Variants in POLR2M observed in about 807,000 individuals in gnomAD.
POLR2M encodes the protein protein GRINL1A.
A neutral mutation model predicts 34.6 loss-of-function variants in POLR2M; 30 were observed. That is an observed-to-expected ratio of 0.87 (90% confidence interval 0.65 to 1.18). POLR2M has a LOEUF of 1.18. Among genes scored for constraint, POLR2M ranks in the 50% most tolerant of loss-of-function variants. The pLI, the probability that POLR2M is intolerant of heterozygous loss-of-function variation, is 0.00. For synonymous variants in POLR2M, 150 were observed against 166.7 expected, an observed-to-expected ratio of 0.90 and a Z score of 0.77; for missense variants, 432 against 448.7, an observed-to-expected ratio of 0.96 and a Z score of 0.34.
Position 57,708,010 on chromosome 15 carries a change from CAAAT to C in POLR2M, c.114-697_114-694del, listed in dbSNP as rs556927787. 2.2e-4 allele frequency among the ~76,000 whole-genome samples: 33 copies of C among 152,226 alleles called. No individual in the cohort carries two copies. In the East Asian group the frequency reaches 6.0e-3, roughly 28 times the overall value. On this transcript the variant is annotated intron_variant, in intron 1 of 3. Transcript: ENST00000299638. Reference sequence around the variant, plus strand: ...GAACTCTGTCATCCAGCAAAAGGGACAAATAAATAATTGGTTGGGATCAAGACAT... The same window carrying C: ...GAACTCTGTCATCCAGCAAAAGGGACAAATAATTGGTTGGGATCAAGACAT...
chr15:57,711,541 A>G (rs973576435), intron 2 of POLR2M, among the ~76,000 whole-genome samples: 4 of 152,152 alleles, frequency 2.6e-5, no homozygotes, highest in South Asian at 4.1e-4. Flanking sequence ...GTAAGCAGTT[A>G]TTATTCCAAG....
chr15:57,707,599 A>G (rs544322494), intron 1 of POLR2M: 39 of 450,470 alleles, frequency 8.7e-5, no homozygotes, highest in African/African-American at 6.0e-4. Flanking sequence ...GATTGGGAGA[A>G]CTTTTAAGCA....
In POLR2M at chr15:57,714,536, GA is replaced by G; in HGVS notation, c.965del (p.Glu322GlyfsTer11). The G allele has an allele frequency of 1.2e-6, 2 of 1,613,256 alleles. No homozygotes were observed. The highest frequency in any genetic ancestry group is 1.7e-6 in the Non-Finnish European group (2 of 1,179,708). ...TTGTGCTTTGCTCTTTGTTTTAAAG[GA>G]GATGCAAGCAAAGCTCGCAGCGCAA... is the stretch of plus-strand genomic sequence containing the variant. Reference protein sequence around the residue: ...LQKQQKQNYEEMQAKLAAQKL... With the variant: ...LQKQQKQNYEXMQAKLAAQKL... On this transcript the variant is annotated frameshift_variant and splice_region_variant, in exon 4 of 4. Transcript: ENST00000299638. LOFTEE classifies it high-confidence loss of function.
At chr15:57,710,008 T>C (rs1471793986) in intron 2 of POLR2M, among the ~76,000 whole-genome samples, 1 of 152,238 alleles carries the variant, frequency 6.6e-6, no homozygotes, top group Non-Finnish European at 1.5e-5. Flanking sequence ...TTTGCCTTTT[T>C]TGATGTTAAA....
At chr15:57,712,897 C>T (rs1329706068) in intron 3 of POLR2M, among the ~76,000 whole-genome samples, 3 of 152,136 alleles carry the variant, frequency 2.0e-5, no homozygotes, top group African/African-American at 7.2e-5. Flanking sequence ...TTTTAGCCTC[C>T]AGGAGAACAG....
intron 2 of POLR2M, among the ~76,000 whole-genome samples, chr15:57,711,408 G>A (rs758701058): frequency 6.6e-5 from 10 of 152,162 alleles, no homozygotes; most frequent in Non-Finnish European, 1.5e-4. Flanking sequence ...TCTGGGCCTA[G>A]GCTACTTCCC....
rs368338689 is a variant in POLR2M, at chr15:57,709,213, G to C, written c.613G>C (p.Gly205Arg). The C allele has an allele frequency of 4.3e-6, 7 of 1,614,066 alleles. No homozygotes were observed. Among genetic ancestry groups the C allele is most frequent in the Non-Finnish European group, 5.1e-6 (6 of 1,180,044 alleles). Residue 205 changes from glycine to arginine, a missense_variant, in exon 2 of 4, where the codon GGT (glycine) becomes CGT (arginine). Transcript: ENST00000299638. ...ACAGAGGATCACCATTGCGGACCAA[G>C]GTGAACAACAGTCAGAAGAAAACGC... ...RLQRITIADQGEQQSEENAST... is the reference protein window; with the variant it reads ...RLQRITIADQREQQSEENAST...
At position 57,708,880 on chromosome 15, in the gene POLR2M, G is replaced by A. The variant is rs546375751; in HGVS notation, c.280G>A (p.Val94Met). 2 of 1,614,050 alleles carry A rather than the reference G, an allele frequency of 1.2e-6. No homozygotes were observed. Among genetic ancestry groups the A allele is most frequent in the East Asian group, 4.5e-5 (2 of 44,890 alleles). ...LRQKAIAEVD[V>M]GTDKAQNSDP... ...GCAAAAAGCAATTGCAGAAGTTGATGTGGGTACAGATAAGGCCCAGAATTC... is the reference window on the plus strand; with the variant it reads ...GCAAAAAGCAATTGCAGAAGTTGATATGGGTACAGATAAGGCCCAGAATTC... The change falls in exon 2 of 4, where the codon GTG becomes ATG. Residue 94 changes from valine to methionine, a missense_variant. Transcript: ENST00000299638.
rs1479577580 is a variant in POLR2M, at chr15:57,715,551, A to C, written c.*872A>C. 1 of 152,162 alleles carries C rather than the reference A, an allele frequency of 6.6e-6. No homozygotes were observed. The highest frequency in any genetic ancestry group is 2.4e-5 in the African/African-American group (1 of 41,436). The allele number at this position is 152,162 out of a possible 1,614,324, so 9.4% of individuals were successfully genotyped here. A position where few individuals can be genotyped will look rare whatever the true frequency, so the allele number is the denominator to read the frequency against. On this transcript the variant is annotated 3_prime_UTR_variant, in exon 4 of 4. Coordinates refer to ENST00000299638, the MANE Select transcript of POLR2M (RefSeq NM_015532.5). ...CCTTGCTGTCACAGATGATAGGTTC[A>C]TGTACACAACATTAATGTTTGATAA...
chr15:57,714,707 A>G lies in POLR2M; in HGVS notation c.*28A>G. On this transcript the variant is annotated 3_prime_UTR_variant, in exon 4 of 4. Transcript: ENST00000299638. ...ATAATCTCCTAAATCACTGACGTTG[A>G]GATGTCATCATCTTACATCAGACTT... The G allele has an allele frequency of 1.2e-6, 2 of 1,604,298 alleles. No homozygotes were observed. The highest frequency in any genetic ancestry group is 1.7e-6 in the Non-Finnish European group (2 of 1,175,506).
intron 3 of POLR2M, among the ~76,000 whole-genome samples, chr15:57,713,296 C>A (rs1313388074): frequency 6.6e-6 from 1 of 151,904 alleles, no homozygotes; most frequent in South Asian, 2.1e-4. Flanking sequence ...TTGAAAAAAA[C>A]CATTTTTCTT....
rs772321775 is a variant in POLR2M at position 57,709,315 on chromosome 15, G to A, written c.715G>A (p.Ala239Thr). Residue 239 changes from alanine to threonine, a missense_variant, in exon 2 of 4, where the codon GCC becomes ACC. By Grantham distance (58) the Ala-to-Thr change is moderately conservative. Coordinates refer to ENST00000299638, the MANE Select transcript of POLR2M (RefSeq NM_015532.5). ...PHYMEVLEMR[A>T]KNPVPQLRKF... Reference sequence around the variant, plus strand: ...TTACATGGAAGTGCTAGAAATGCGAGCCAAAAACCCAGTGCCCCAGCTGCG... The same window carrying A: ...TTACATGGAAGTGCTAGAAATGCGAACCAAAAACCCAGTGCCCCAGCTGCG... The A allele has an allele frequency of 6.2e-7, 1 of 1,614,014 alleles. No individual in the cohort carries two copies.
chr15:57,706,987 G>A (rs748360822), intron 1 of POLR2M, 32 bp downstream of exon 1: 11 of 1,557,264 alleles, frequency 7.1e-6, no homozygotes, highest in Middle Eastern at 1.7e-4. Flanking sequence ...TCTCCGCCAG[G>A]CTCCTTCAGC....
intron 2 of POLR2M, among the ~76,000 whole-genome samples, chr15:57,710,193 A>G (rs2040654703): frequency 6.6e-6 from 1 of 151,874 alleles, no homozygotes; most frequent in African/African-American, 2.4e-5. Flanking sequence ...GGTTTGAAAA[A>G]CTGTGAAAAT....
In POLR2M at chr15:57,715,977, A is replaced by G. The variant is rs1214893794; in HGVS notation, c.*1298A>G. The stretch of plus-strand genomic sequence containing the variant: ...AAGATTCTCATTAGTTTTAGTTCTT[A>G]AAACGAATAGTAAATGATTTCACAG... On this transcript the variant is annotated 3_prime_UTR_variant, in exon 4 of 4. Transcript: ENST00000299638. The G allele has an allele frequency of 2.0e-5, 3 of 152,294 alleles. No individual in the cohort carries two copies. Among genetic ancestry groups the G allele is most frequent in the Non-Finnish European group, 2.9e-5 (2 of 68,054 alleles). 9.4% of individuals were successfully genotyped at this position (152,294 alleles called of 1,614,324 possible).
rs2040599340 is a variant in POLR2M at position 57,708,950 on chromosome 15, C to T, written c.350C>T (p.Ser117Phe). The T allele has an allele frequency of 6.2e-7, 1 of 1,613,890 alleles. No individual in the cohort carries two copies. The highest frequency in any genetic ancestry group is 1.3e-5 in the African/African-American group (1 of 74,936). ...TCATCACTAGTTCCTGGATGTTCCTCTGTAGATAACATCAAGTCATCTCAA... is the reference window on the plus strand; with the variant it reads ...TCATCACTAGTTCCTGGATGTTCCTTTGTAGATAACATCAAGTCATCTCAA... ...DTSSLVPGCS[S>F]VDNIKSSQTS... Residue 117 changes from serine (S) to phenylalanine (F), a missense_variant, in exon 2 of 4, where the codon TCT becomes TTT. Coordinates refer to ENST00000299638, the MANE Select transcript of POLR2M (RefSeq NM_015532.5).
chr15:57,715,928 C>A lies in POLR2M; in HGVS notation c.*1249C>A, dbSNP rs1392492332. 1 of 152,264 alleles carries A rather than the reference C, an allele frequency of 6.6e-6. No individual in the cohort carries two copies. 9.4% of individuals were successfully genotyped at this position (152,264 alleles called of 1,614,324 possible). On this transcript the variant is annotated 3_prime_UTR_variant, in exon 4 of 4. Transcript: ENST00000299638. ...GCTTTCATTCCTTACCCCCCTCAAG[C>A]AAATGTGAAAAGTATACTGACCTAA...
At chr15:57,707,097 G>A (rs2040519633) in intron 1 of POLR2M, 142 bp downstream of exon 1, 2 of 1,547,954 alleles carry the variant, frequency 1.3e-6, no homozygotes, top group African/African-American at 1.4e-5. Flanking sequence ...ACGGGCGAGT[G>A]GACGGAGGGC....
chr15:57,714,496 T>G (rs200893192), intron 3 of POLR2M, 40 bp from the exon 4 acceptor site: 18 of 1,608,720 alleles, frequency 1.1e-5, no homozygotes, highest in Non-Finnish European at 1.4e-5. Flanking sequence ...AAGGAAGAGA[T>G]GTGAACGTGT....
Sources: allele counts gnomAD v4.1 joint callset (sites outside exome capture counted in the v4.1 genomes callset), GRCh38; gene constraint gnomAD v4.1.1; transcripts MANE v1.5; gene names NCBI Gene and HGNC (gene_info 2026-07-23, HGNC 2026-07-21).